Variants in RIPK4 observed in about 807,000 individuals in gnomAD.
RIPK4 encodes the protein receptor interacting serine/threonine kinase 4.
A neutral mutation model predicts 42.9 loss-of-function variants in RIPK4; 17 were observed. The ratio of observed to expected loss-of-function variants is 0.40; its 90% confidence interval spans 0.27 to 0.59. The LOEUF (loss-of-function observed/expected upper bound fraction) is 0.59. Ranked by LOEUF, RIPK4 falls within the 20% of genes least tolerant of loss-of-function variation. The probability of loss-of-function intolerance (pLI) is 0.47; values close to 1 mark genes in which losing one functional copy is unlikely to be tolerated. For missense variants in RIPK4, 897 were observed against 1,104.4 expected (o/e 0.81, Z 2.66); for synonymous variants, 498 against 499.1 (o/e 1.00, Z 0.03).
At position 41,741,206 on chromosome 21, in the gene RIPK4, T is replaced by C; in HGVS notation, c.1987A>G (p.Lys663Glu). 1 of 1,609,690 alleles carries C rather than the reference T, an allele frequency of 6.2e-7. No homozygotes were observed. Residue 663 changes from lysine to glutamate, a missense_variant, in exon 8 of 8, where the codon AAG (lysine) becomes GAG (glutamate). Coordinates refer to ENST00000332512, the MANE Select transcript of RIPK4 (RefSeq NM_020639.3). ...ARLLLHRGAG[K>E]EAMTSDGYTA... ...TAGCCGTCTGAGGTCATGGCCTCCT[T>C]GCCAGCGCCCCGATGCAGGAGCAGC...
Position 41,742,678 on chromosome 21 carries a change from G to T in RIPK4, c.1196-681C>A, listed in dbSNP as rs1464898385. 6.6e-6 allele frequency among the ~76,000 whole-genome samples: 1 copy of T among 152,174 alleles called. No individual in the cohort carries two copies. Among genetic ancestry groups the T allele is most frequent in the African/African-American group, 2.4e-5 (1 of 41,436 alleles). On this transcript the variant is annotated intron_variant, in intron 7 of 7. Coordinates refer to ENST00000332512, the MANE Select transcript of RIPK4 (RefSeq NM_020639.3). The surrounding 1 kb of genome is among the most constrained non-coding windows in gnomAD (Gnocchi z 5.1). ...TCCGCCCTCATGTGAAACGCGTGGG[G>T]ACTTGGAAGTCGGCGGTGGGAAGGT...
Position 41,752,500 on chromosome 21 carries a change from C to G in RIPK4, c.475-1255G>C, listed in dbSNP as rs191866671. Among the ~76,000 whole-genome samples, 411 of 152,300 alleles carry G rather than the reference C, an allele frequency of 2.7e-3. 4 individuals carry two copies. The highest frequency in any genetic ancestry group is 9.6e-3 in the African/African-American group (397 of 41,564). On this transcript the variant is annotated intron_variant, in intron 2 of 7. Coordinates refer to ENST00000332512, the MANE Select transcript of RIPK4 (RefSeq NM_020639.3). ...TGCAGCCAGGAGCACCAGGACAAGG[C>G]CTCGACTCCAGCGGCTCTCATGTCC...
intron 6 of RIPK4, among the ~76,000 whole-genome samples, chr21:41,744,847 G>C (rs1008185950): frequency 1.6e-4 from 25 of 152,196 alleles, no homozygotes; most frequent in Non-Finnish European, 2.8e-4. Context: ...GATCCAATCC[G>C]ACATACACCG....
chr21:41,746,292 C>A, intron 5 of RIPK4: 1 of 590,104 alleles, frequency 1.7e-6, no homozygotes, highest in Non-Finnish European at 3.1e-6. Flanking sequence ...GGCCACCGGC[C>A]AGGTAAGTCC....
At chr21:41,761,281 C>T (rs951208906) in intron 1 of RIPK4, among the ~76,000 whole-genome samples, 10 of 152,374 alleles carry the variant, frequency 6.6e-5, no homozygotes, top group South Asian at 4.1e-4. Flanking sequence ...CTGGGAACAC[C>T]GGTTGGCTGA....
intron 1 of RIPK4, among the ~76,000 whole-genome samples, chr21:41,758,041 T>TATATAGAG (rs1452050960): frequency 4.6e-4 from 27 of 58,472 alleles, no homozygotes; most frequent in African/African-American, 9.1e-4. Context: ...TATATATATA[T>TATATAGAG]AGAGAGAGAG....
rs1298137452 is a variant in RIPK4 at position 41,746,662 on chromosome 21, G to A, written c.783C>T (p.Leu261=). ...GATCCCCCTGCCAGCACCGCTGCAT[G>A]AGGCGTATCAGGTGGCTGCAGGCGC... ...RPRACSHLIR[L]MQRCWQGDPR... Residue 261 remains leucine, a synonymous_variant, in exon 5 of 8, where the codon CTC becomes CTT. Coordinates refer to ENST00000332512, the MANE Select transcript of RIPK4 (RefSeq NM_020639.3). 6.2e-7 allele frequency: 1 copy of A among 1,611,232 alleles called. No homozygotes were observed. The highest frequency in any genetic ancestry group is 2.2e-5 in the East Asian group (1 of 44,888).
At chr21:41,761,589 C>T (rs925292123) in intron 1 of RIPK4, among the ~76,000 whole-genome samples, 4 of 152,146 alleles carry the variant, frequency 2.6e-5, no homozygotes, top group Non-Finnish European at 4.4e-5. Context: ...ACACCCTCCT[C>T]GCCGGAGGGT....
At chr21:41,752,982 G>A (rs151323999) in intron 2 of RIPK4, among the ~76,000 whole-genome samples, 578 of 152,054 alleles carry the variant, frequency 3.8e-3, no homozygotes, top group African/African-American at 0.013. Context: ...CATGTATCCC[G>A]GAACTAAAAG....
intron 1 of RIPK4, among the ~76,000 whole-genome samples, chr21:41,764,153 G>T (rs890211252): frequency 6.6e-6 from 1 of 152,222 alleles, no homozygotes; most frequent in Admixed American, 6.5e-5. Context: ...GTGTCTGGGG[G>T]CTGGGCGGCC....
chr21:41,746,821 C>G (rs762140954), intron 4 of RIPK4, 50 bp from the exon 5 acceptor site: 2 of 1,528,308 alleles, frequency 1.3e-6, no homozygotes, highest in South Asian at 2.5e-5. Flanking sequence ...TGGGTGGCAG[C>G]ATCTCACCCT....
chr21:41,761,972 C>T (rs1019283936), intron 1 of RIPK4, among the ~76,000 whole-genome samples: 4 of 152,262 alleles, frequency 2.6e-5, no homozygotes, highest in South Asian at 2.1e-4. Context: ...TTCTGCAGAA[C>T]GGAGACCCCA....
chr21:41,744,768 G>A (rs939633332), intron 6 of RIPK4, among the ~76,000 whole-genome samples: 3 of 152,166 alleles, frequency 2.0e-5, no homozygotes, highest in Admixed American at 1.3e-4. Flanking sequence ...GCGGAGCCAC[G>A]TGGGGCTGGC....
rs190744524 is a variant in RIPK4 at position 41,759,204 on chromosome 21, G to A, written c.183-2388C>T. On this transcript the variant is annotated intron_variant, in intron 1 of 7. Coordinates refer to ENST00000332512, the MANE Select transcript of RIPK4 (RefSeq NM_020639.3). ...ACCTCTACCTCCCAGGTTCAAGTGA[G>A]TCTCATGCCTCAGCCTCCAGGGTAG... 1.8e-4 allele frequency among the ~76,000 whole-genome samples: 27 copies of A among 152,180 alleles called. 1 individual carries two copies. The highest frequency in any genetic ancestry group is 1.7e-3 in the Admixed American group (26 of 15,298).
rs1156253970 is a variant in RIPK4, at chr21:41,742,505, A to AGTTGG, written c.1196-509_1196-508insCCAAC. ...GGCACCTCCTGACCTGGGGAGGTTA[A>AGTTGG]GTCGGAAGTTTTCTATGATAATCCT... On this transcript the variant is annotated intron_variant, in intron 7 of 7. Transcript: ENST00000332512. This position sits in a 1 kb window ranked among gnomAD's most constrained non-coding sequence, Gnocchi z 5.1. 6.6e-6 allele frequency among the ~76,000 whole-genome samples: 1 copy of AGTTGG among 152,170 alleles called. No homozygotes were observed. The highest frequency in any genetic ancestry group is 1.5e-5 in the Non-Finnish European group (1 of 68,030).
chr21:41,747,740 G>A (rs2061176288), intron 4 of RIPK4, among the ~76,000 whole-genome samples: 1 of 152,186 alleles, frequency 6.6e-6, no homozygotes, highest in Admixed American at 6.5e-5. Flanking sequence ...TAAATAAAAT[G>A]GAAGCAAACT....
In RIPK4 at chr21:41,741,906, C is replaced by T; in HGVS notation, c.1287G>A (p.Gln429=). The T allele has an allele frequency of 6.2e-7, 1 of 1,613,610 alleles. No homozygotes were observed. The highest frequency in any genetic ancestry group is 8.5e-7 in the Non-Finnish European group (1 of 1,179,892). The stretch of plus-strand genomic sequence containing the variant: ...CGCTGTCCAGTGCCAGGTCCACGTC[C>T]TGCGGCTGCAGGATCTTCATCAGTT... ...TSKLMKILQP[Q]DVDLALDSGA... is the part of the protein sequence containing the mutation. Residue 429 remains glutamine, a synonymous_variant, in exon 8 of 8, where the codon CAG becomes CAA. Transcript: ENST00000332512.
chr21:41,741,600 G>T lies in RIPK4; in HGVS notation c.1593C>A (p.Asn531Lys). The T allele has an allele frequency of 6.2e-7, 1 of 1,612,290 alleles. No homozygotes were observed. Among genetic ancestry groups the T allele is most frequent in the African/African-American group, 1.3e-5 (1 of 75,058 alleles). ...GCGTCCGGCCCTCAAAGTCCACCTCGTTGACCGAGGCGTTCTTCTCCAACA... is the reference window on the plus strand; with the variant it reads ...GCGTCCGGCCCTCAAAGTCCACCTCTTTGACCGAGGCGTTCTTCTCCAACA... ...RLLLEKNASV[N>K]EVDFEGRTPM... Residue 531 changes from asparagine to lysine, a missense_variant, in exon 8 of 8, where the codon AAC becomes AAA. Asn to Lys is a moderately conservative substitution (Grantham distance 94). Transcript: ENST00000332512.
chr21:41,746,093 C>T, intron 5 of RIPK4: 1 of 698,648 alleles, frequency 1.4e-6, no homozygotes, highest in Non-Finnish European at 2.6e-6. Context: ...GAAGCCTTCC[C>T]CGGGGGAGCG....
Sources: allele counts gnomAD v4.1 joint callset (sites outside exome capture counted in the v4.1 genomes callset), GRCh38; gene constraint gnomAD v4.1.1; non-coding constraint Gnocchi (gnomAD v3.1); transcripts MANE v1.5; gene names NCBI Gene and HGNC (gene_info 2026-07-23, HGNC 2026-07-21).